Variants in OR9Q1 observed in about 807,000 individuals in gnomAD.
The protein encoded by OR9Q1 is olfactory receptor 9Q1.
For synonymous variants in OR9Q1, 153 were observed against 148.6 expected, an observed-to-expected ratio of 1.03 and a Z score of -0.22; for missense variants, 374 against 378.8, an observed-to-expected ratio of 0.99 and a Z score of 0.11.
chr11:58,136,461 C>A (rs1854189794), intron 2 of OR9Q1, among the ~76,000 whole-genome samples: 1 of 152,136 alleles, frequency 6.6e-6, no homozygotes. Flanking sequence ...TGCCTGGGAC[C>A]AAATATTTTC....
chr11:58,176,006 A>G (rs1328210727), intron 2 of OR9Q1, among the ~76,000 whole-genome samples: 1 of 152,092 alleles, frequency 6.6e-6, no homozygotes, highest in Non-Finnish European at 1.5e-5. Flanking sequence ...ATTTGCATTT[A>G]AAGAAAAAAA....
intron 2 of OR9Q1, among the ~76,000 whole-genome samples, chr11:58,133,043 C>T (rs1484309671): frequency 6.6e-6 from 1 of 152,146 alleles, no homozygotes; most frequent in Non-Finnish European, 1.5e-5. Flanking sequence ...CACTTAGACA[C>T]CACATTCTAC....
At chr11:58,084,923 C>T (rs1276751114) in intron 2 of OR9Q1, among the ~76,000 whole-genome samples, 2 of 151,748 alleles carry the variant, frequency 1.3e-5, no homozygotes, top group Non-Finnish European at 2.9e-5. Context: ...TTTAACACAG[C>T]ACTGGAATTC....
chr11:58,039,606 T>G (rs563016334), intron 1 of OR9Q1, among the ~76,000 whole-genome samples: 1 of 152,222 alleles, frequency 6.6e-6, no homozygotes, highest in Non-Finnish European at 1.5e-5. Flanking sequence ...GAGCAGACTT[T>G]GCATAGGTGG....
chr11:58,033,305 T>C (rs1037496173), intron 1 of OR9Q1, among the ~76,000 whole-genome samples: 1 of 151,478 alleles, frequency 6.6e-6, no homozygotes, highest in African/African-American at 2.4e-5. Flanking sequence ...CATGCACTTG[T>C]ATGTTCATCA....
At chr11:58,099,662 C>T (rs1173048287) in intron 2 of OR9Q1, among the ~76,000 whole-genome samples, 1 of 152,072 alleles carries the variant, frequency 6.6e-6, no homozygotes, top group African/African-American at 2.4e-5. Context: ...AATAGTATGG[C>T]AGTCTTTGTC....
At position 58,106,893 on chromosome 11, in the gene OR9Q1, A is replaced by G. The variant is rs758890414; in HGVS notation, c.-15+50946A>G. Among the ~76,000 whole-genome samples the G allele has an allele frequency of 1.1e-4, 17 of 152,222 alleles. 1 individual carries two copies. The highest frequency in any genetic ancestry group is 3.4e-3 in the Middle Eastern group (1 of 294). On this transcript the variant is annotated intron_variant, in intron 2 of 2. Transcript: ENST00000335397. ...TCAGTACAATACTGTTTGAATTACT[A>G]TATTTTGAAATCAGGAAATGTGATG...
At chr11:58,122,959 T>G (rs1366011399) in intron 2 of OR9Q1, among the ~76,000 whole-genome samples, 2 of 139,396 alleles carry the variant, frequency 1.4e-5, no homozygotes, top group African/African-American at 5.1e-5. Flanking sequence ...TGTGGTAAAT[T>G]TTGTTTTTTT....
chr11:58,179,073 T>C (rs1590629122), intron 2 of OR9Q1, among the ~76,000 whole-genome samples: 1 of 147,100 alleles, frequency 6.8e-6, no homozygotes, highest in Non-Finnish European at 1.5e-5. Flanking sequence ...TGGAGTGCAG[T>C]GGTGCCATCT....
At chr11:58,054,645 G>T (rs1246769112) in intron 1 of OR9Q1, among the ~76,000 whole-genome samples, 1 of 152,216 alleles carries the variant, frequency 6.6e-6, no homozygotes, top group Non-Finnish European at 1.5e-5. Context: ...AAAAATGCAT[G>T]CGTTGAGGCC....
At chr11:58,064,989 G>A (rs1227133244) in intron 2 of OR9Q1, among the ~76,000 whole-genome samples, 1 of 152,008 alleles carries the variant, frequency 6.6e-6, no homozygotes, top group Non-Finnish European at 1.5e-5. Context: ...GTTGGACAAG[G>A]AGACACACAG....
chr11:58,031,256 C>T (rs761333479), intron 1 of OR9Q1: 30 of 1,614,038 alleles, frequency 1.9e-5, no homozygotes, highest in Non-Finnish European at 2.5e-5. Flanking sequence ...TGCTGATTGC[C>T]TATCCCAGCT....
At chr11:58,041,911 G>A (rs1853168668) in intron 1 of OR9Q1, among the ~76,000 whole-genome samples, 1 of 152,200 alleles carries the variant, frequency 6.6e-6, no homozygotes, top group African/African-American at 2.4e-5. Context: ...AGACTATCAT[G>A]AAATAACACT....
intron 2 of OR9Q1, among the ~76,000 whole-genome samples, chr11:58,146,426 A>C (rs956250626): frequency 6.6e-6 from 1 of 152,220 alleles, no homozygotes; most frequent in African/African-American, 2.4e-5. Context: ...AATATATGCT[A>C]TCTACTATGT....
intron 1 of OR9Q1, among the ~76,000 whole-genome samples, chr11:58,024,426 C>T (rs950158291): frequency 6.6e-6 from 1 of 152,076 alleles, no homozygotes; most frequent in Non-Finnish European, 1.5e-5. Flanking sequence ...GGGACTAGGC[C>T]CCCAGATGCC....
chr11:58,120,356 AC>A (rs1854016253), intron 2 of OR9Q1, among the ~76,000 whole-genome samples: 1 of 152,118 alleles, frequency 6.6e-6, no homozygotes, highest in African/African-American at 2.4e-5. Flanking sequence ...TAACATATTC[AC>A]CTATTTGTAA....
chr11:58,029,843 CT>C (rs58928895), intron 1 of OR9Q1, among the ~76,000 whole-genome samples: 30,082 of 138,932 alleles, frequency 0.22, 3,343 homozygotes, highest in Middle Eastern at 0.38. Context: ...CTGCCTCCTC[CT>C]TTTTTTTTTT....
chr11:58,113,469 A>T (rs927053442), intron 2 of OR9Q1, among the ~76,000 whole-genome samples: 1 of 152,086 alleles, frequency 6.6e-6, no homozygotes, highest in Admixed American at 6.5e-5. Flanking sequence ...ACACTTCCCA[A>T]CTCATTACCC....
intron 2 of OR9Q1, among the ~76,000 whole-genome samples, chr11:58,132,552 T>A (rs745964386): frequency 6.6e-6 from 1 of 152,156 alleles, no homozygotes; most frequent in Non-Finnish European, 1.5e-5. Context: ...TATAGTTAAT[T>A]AAATATTAGC....
Sources: allele counts gnomAD v4.1 joint callset (sites outside exome capture counted in the v4.1 genomes callset), GRCh38; gene constraint gnomAD v4.1.1; transcripts MANE v1.5; gene names NCBI Gene and HGNC (gene_info 2026-07-23, HGNC 2026-07-21).